KCNAB1: variants seen among roughly 807,000 people sequenced by gnomAD.
KCNAB1 encodes the protein voltage-gated potassium channel subunit beta-1.
Under a neutral mutation model 64.6 loss-of-function variants are expected in KCNAB1, and 35 were observed. The ratio of observed to expected loss-of-function variants is 0.54; its 90% CI spans 0.41 to 0.72. The LOEUF (loss-of-function observed/expected upper bound fraction) is 0.72. Ranked by LOEUF, KCNAB1 falls within the 30% of genes least tolerant of loss-of-function variation. The pLI is 0.00. For missense variants in KCNAB1, 401 were observed against 512.9 expected, an observed-to-expected ratio of 0.78 and a Z score of 2.11; for synonymous variants, 177 against 183.8, an observed-to-expected ratio of 0.96 and a Z score of 0.30.
intron 1 of KCNAB1, among the ~76,000 whole-genome samples, chr3:156,358,110 C>A (rs1355231053): frequency 2.6e-5 from 4 of 152,172 alleles, no homozygotes; most frequent in Non-Finnish European, 5.9e-5. Flanking sequence ...CCACCTGTGG[C>A]TAGTAGCTAC....
intron 1 of KCNAB1, among the ~76,000 whole-genome samples, chr3:156,270,586 A>G (rs1718974023): frequency 6.6e-6 from 1 of 152,130 alleles, no homozygotes; most frequent in African/African-American, 2.4e-5. Context: ...AACTAATAAA[A>G]CTATAATTTT....
chr3:156,228,272 G>A (rs1716304660), intron 1 of KCNAB1, among the ~76,000 whole-genome samples: 1 of 152,084 alleles, frequency 6.6e-6, no homozygotes, highest in South Asian at 2.1e-4. Flanking sequence ...GCAAGTGCTG[G>A]TTAGGAGGTG....
At chr3:156,172,468 C>T (rs1712065589) in intron 1 of KCNAB1, among the ~76,000 whole-genome samples, 1 of 152,058 alleles carries the variant, frequency 6.6e-6, no homozygotes, top group Non-Finnish European at 1.5e-5. Flanking sequence ...TTTTTGGAGA[C>T]AGGGTTTCGC....
chr3:156,142,143 AG>A (rs1422911763), intron 1 of KCNAB1, among the ~76,000 whole-genome samples: 9 of 152,294 alleles, frequency 5.9e-5, no homozygotes, highest in African/African-American at 2.2e-4. Context: ...TGTATGTTCT[AG>A]ATATAAGTCT....
chr3:156,296,700 C>T (rs1254697065), intron 1 of KCNAB1, among the ~76,000 whole-genome samples: 1 of 152,132 alleles, frequency 6.6e-6, no homozygotes, highest in Non-Finnish European at 1.5e-5. Flanking sequence ...ATCTCAATCT[C>T]CTGACCTCGT....
intron 1 of KCNAB1, among the ~76,000 whole-genome samples, chr3:156,405,173 C>T (rs1714165242): frequency 6.6e-6 from 1 of 152,236 alleles, no homozygotes. Flanking sequence ...CCTGCTGAGC[C>T]ATGCAATCAG....
intron 6 of KCNAB1, among the ~76,000 whole-genome samples, chr3:156,464,188 C>T (rs1285259525): frequency 6.6e-6 from 1 of 152,120 alleles, no homozygotes; most frequent in Non-Finnish European, 1.5e-5. Flanking sequence ...GCAGAGGGCT[C>T]TGAAAGTGCT....
intron 9 of KCNAB1, 104 bp downstream of exon 9, chr3:156,514,553 C>A: frequency 1.3e-6 from 1 of 773,468 alleles, no homozygotes; most frequent in Non-Finnish European, 2.2e-6. Context: ...CTCACAATCA[C>A]TATGGCACTG....
chr3:156,468,209 A>G (rs1429070004), intron 7 of KCNAB1, among the ~76,000 whole-genome samples: 1 of 152,184 alleles, frequency 6.6e-6, no homozygotes, highest in African/African-American at 2.4e-5. Context: ...ACTACGTTGA[A>G]ATATCTTAGA....
intron 1 of KCNAB1, among the ~76,000 whole-genome samples, chr3:156,264,060 G>GT (rs1450217096): frequency 6.6e-6 from 1 of 151,936 alleles, no homozygotes; most frequent in Non-Finnish European, 1.5e-5. Context: ...CAAGTCTATT[G>GT]TTTTTGTGGT....
At chr3:156,232,601 G>T (rs1345820449) in intron 1 of KCNAB1, among the ~76,000 whole-genome samples, 2 of 152,242 alleles carry the variant, frequency 1.3e-5, no homozygotes, top group African/African-American at 4.8e-5. Context: ...CCAGATGAAG[G>T]CATAGAATTA....
At chr3:156,209,329 AT>A (rs1401715354) in intron 1 of KCNAB1, among the ~76,000 whole-genome samples, 1 of 152,192 alleles carries the variant, frequency 6.6e-6, no homozygotes, top group Non-Finnish European at 1.5e-5. Context: ...GACTGTACTT[AT>A]GTTAACTGGT....
rs574027780 is a variant in KCNAB1, at chr3:156,366,896, G to C, written c.276-54720G>C. ...ACTGCTGCATTTAAATTTAAACCAC[G>C]TAGCTCCCAAGAATAATATTAGCTG... On this transcript the variant is annotated intron_variant, in intron 1 of 13. Transcript: ENST00000490337. Among the ~76,000 whole-genome samples the C allele has an allele frequency of 3.3e-5, 5 of 152,244 alleles. No homozygotes were observed. The East Asian group carries it at 9.7e-4, about 29-fold the overall frequency.
intron 8 of KCNAB1, among the ~76,000 whole-genome samples, chr3:156,480,276 A>G (rs575953704): frequency 6.6e-6 from 1 of 152,260 alleles, no homozygotes; most frequent in African/African-American, 2.4e-5. Context: ...GCTGTCCAAT[A>G]GAAATATAAT....
intron 1 of KCNAB1, among the ~76,000 whole-genome samples, chr3:156,159,201 C>G (rs779833614): frequency 4.6e-5 from 7 of 152,120 alleles, no homozygotes; most frequent in Non-Finnish European, 1.5e-5. Flanking sequence ...TCTATGCTAC[C>G]TAGTTGTGTG....
At chr3:156,291,082 G>C in intron 1 of KCNAB1, 1 of 985,510 alleles carries the variant, frequency 1.0e-6, no homozygotes, top group Non-Finnish European at 1.2e-6. Flanking sequence ...AGTCTGGGCA[G>C]AGCCCCTTTT....
At chr3:156,261,792 G>A (rs1345987585) in intron 1 of KCNAB1, among the ~76,000 whole-genome samples, 2 of 151,842 alleles carry the variant, frequency 1.3e-5, no homozygotes, top group Non-Finnish European at 3.0e-5. Context: ...ATTTTGATAG[G>A]GATTGTATTG....
intron 8 of KCNAB1, among the ~76,000 whole-genome samples, chr3:156,484,829 A>AC (rs1250436239): frequency 6.7e-6 from 1 of 148,870 alleles, no homozygotes; most frequent in Non-Finnish European, 1.5e-5. Flanking sequence ...GGTTTTGTTA[A>AC]CCCCCCTCCT....
intron 1 of KCNAB1, among the ~76,000 whole-genome samples, chr3:156,164,807 ACT>A (rs763245811): frequency 2.0e-5 from 3 of 152,014 alleles, no homozygotes; most frequent in Non-Finnish European, 4.4e-5. Context: ...ATTTTAAGAC[ACT>A]CCATCTCTTT....
Sources: gnomAD v4.1 joint callset for allele counts (sites outside exome capture counted in the v4.1 genomes callset) on GRCh38, gnomAD v4.1.1 for gene constraint, MANE v1.5 for transcripts, NCBI Gene and HGNC (gene_info 2026-07-23, HGNC 2026-07-21) for gene names.